Variants in SLIT3 observed in about 807,000 individuals in gnomAD.
SLIT3 encodes slit homolog 3 protein.
Under a neutral mutation model 184.0 loss-of-function variants are expected in SLIT3, and 68 were observed. The ratio of observed to expected loss-of-function variants is 0.37; its 90% CI spans 0.30 to 0.45. The LOEUF (loss-of-function observed/expected upper bound fraction) is 0.45. SLIT3 is among the 20% of genes least tolerant of loss of function. The pLI, the probability that SLIT3 is intolerant of heterozygous loss-of-function variation, is 1.00. For missense variants in SLIT3, 1,707 were observed against 2,026.0 expected (o/e 0.84, Z 3.02); for synonymous variants, 831 against 828.6 (o/e 1.00, Z -0.05).
chr5:168,852,034 G>C (rs1416038559), intron 5 of SLIT3, among the ~76,000 whole-genome samples: 2 of 152,192 alleles, frequency 1.3e-5, no homozygotes, highest in Non-Finnish European at 2.9e-5. Flanking sequence ...GAATTTCTTT[G>C]TAAGAAGTAT....
intron 4 of SLIT3, among the ~76,000 whole-genome samples, chr5:168,888,052 G>C (rs2113801229): frequency 6.6e-6 from 1 of 152,252 alleles, no homozygotes; most frequent in South Asian, 2.1e-4. Flanking sequence ...AGAAATAAGA[G>C]GTCTGTCTTA....
intron 4 of SLIT3, among the ~76,000 whole-genome samples, chr5:168,973,474 C>T (rs370994372): frequency 1.4e-4 from 22 of 152,292 alleles, no homozygotes; most frequent in Middle Eastern, 6.8e-3. Context: ...TCTTGAACTC[C>T]GATCTCAGGT....
At chr5:169,286,011 T>G (rs1374221517) in intron 1 of SLIT3, among the ~76,000 whole-genome samples, 1 of 152,180 alleles carries the variant, frequency 6.6e-6, no homozygotes, top group Non-Finnish European at 1.5e-5. Context: ...AGCAGCAAAA[T>G]ATAGCCATAA....
chr5:169,218,309 T>TATCAC (rs1313559664), intron 3 of SLIT3, among the ~76,000 whole-genome samples: 1 of 152,178 alleles, frequency 6.6e-6, no homozygotes, highest in Non-Finnish European at 1.5e-5. Context: ...TTGTGCATGA[T>TATCAC]ATCACACCTT....
chr5:169,032,761 T>C (rs1757079170), intron 4 of SLIT3, among the ~76,000 whole-genome samples: 1 of 151,988 alleles, frequency 6.6e-6, no homozygotes, highest in South Asian at 2.1e-4. Context: ...ATGAATACTA[T>C]GCTTGGGAAA....
chr5:169,009,667 C>T (rs539117561), intron 4 of SLIT3, among the ~76,000 whole-genome samples: 3 of 152,294 alleles, frequency 2.0e-5, no homozygotes, highest in East Asian at 1.9e-4. Context: ...TAAGTAGCTG[C>T]GTGCCACCAA....
intron 4 of SLIT3, among the ~76,000 whole-genome samples, chr5:169,142,080 AAAATAAAT>A (rs765749214): frequency 0.014 from 577 of 42,574 alleles, 6 homozygotes; most frequent in Admixed American, 0.024. Flanking sequence ...AATAAAAATA[AAAATAAAT>A]AAATAAATAA....
At chr5:169,281,873 T>TC (rs1455105339) in intron 1 of SLIT3, among the ~76,000 whole-genome samples, 1 of 63,424 alleles carries the variant, frequency 1.6e-5, no homozygotes, top group African/African-American at 5.8e-5. Context: ...CAGAGGTAAT[T>TC]TTCCCCCCCA....
chr5:168,763,857 G>A (rs1268698049), intron 14 of SLIT3, among the ~76,000 whole-genome samples: 1 of 152,174 alleles, frequency 6.6e-6, no homozygotes, highest in Non-Finnish European at 1.5e-5. Context: ...ATGCACGAGT[G>A]GGGTGTCATG....
chr5:168,697,370 C>G (rs182151079), intron 27 of SLIT3, among the ~76,000 whole-genome samples: 22 of 152,268 alleles, frequency 1.4e-4, no homozygotes, highest in Non-Finnish European at 2.9e-5. Flanking sequence ...TGGTCATATC[C>G]CCAGGACTGG....
At chr5:169,176,699 C>T (rs1762998891) in intron 4 of SLIT3, among the ~76,000 whole-genome samples, 1 of 152,306 alleles carries the variant, frequency 6.6e-6, no homozygotes. Context: ...TGCCCTGTAG[C>T]ACCAAAGGGG....
At chr5:168,823,478 G>A (rs1202495656) in intron 6 of SLIT3, 147 bp from the exon 7 acceptor site, 2 of 736,658 alleles carry the variant, frequency 2.7e-6, no homozygotes, top group East Asian at 2.5e-5. Context: ...CTGAAGACAA[G>A]TGGACAGGTC....
At chr5:169,204,851 T>A (rs1284539129) in intron 3 of SLIT3, among the ~76,000 whole-genome samples, 12 of 152,198 alleles carry the variant, frequency 7.9e-5, no homozygotes, top group Non-Finnish European at 2.9e-5. Flanking sequence ...GCTGGAGGGT[T>A]GCCGGGCGGC....
chr5:168,875,927 C>G (rs553713941), intron 5 of SLIT3, among the ~76,000 whole-genome samples: 1 of 152,276 alleles, frequency 6.6e-6, no homozygotes, highest in South Asian at 2.1e-4. Flanking sequence ...ACCTGACACT[C>G]TCAGTCAGGA....
chr5:169,070,545 T>C (rs1758506862), intron 4 of SLIT3, among the ~76,000 whole-genome samples: 1 of 152,182 alleles, frequency 6.6e-6, no homozygotes, highest in African/African-American at 2.4e-5. Context: ...AGATGACCTT[T>C]AGAAACAAGT....
intron 12 of SLIT3, 33 bp downstream of exon 12, chr5:168,785,874 A>G: frequency 3.3e-6 from 5 of 1,535,384 alleles, no homozygotes. Context: ...CGACAGTACC[A>G]AAGACACCAA....
chr5:168,751,765 G>A (rs1302136885), intron 18 of SLIT3, among the ~76,000 whole-genome samples: 5 of 147,886 alleles, frequency 3.4e-5, no homozygotes, highest in Admixed American at 6.8e-5. Context: ...TCTCGCTCTC[G>A]CTCTGTTGCC....
intron 9 of SLIT3, among the ~76,000 whole-genome samples, chr5:168,797,122 C>T (rs941391701): frequency 6.6e-6 from 1 of 152,126 alleles, no homozygotes; most frequent in African/African-American, 2.4e-5. Flanking sequence ...TCACAGAGAG[C>T]CACAAAAGCT....
chr5:168,829,026 A>G (rs1401069045), intron 6 of SLIT3, among the ~76,000 whole-genome samples: 1 of 152,162 alleles, frequency 6.6e-6, no homozygotes, highest in African/African-American at 2.4e-5. Flanking sequence ...GGAGAGCTCC[A>G]ACTTGGCTTC....
Sources: allele counts gnomAD v4.1 joint callset (sites outside exome capture counted in the v4.1 genomes callset), GRCh38; gene constraint gnomAD v4.1.1; transcripts MANE v1.5; gene names NCBI Gene and HGNC (gene_info 2026-07-23, HGNC 2026-07-21).